DNAH6: variants seen among roughly 807,000 people sequenced by gnomAD.
DNAH6 encodes the protein axonemal beta dynein heavy chain 6.
Under a neutral mutation model 491.4 loss-of-function variants are expected in DNAH6, and 340 were observed. The observed-to-expected ratio is 0.69, with a 90% CI of 0.63 to 0.76. The LOEUF (loss-of-function observed/expected upper bound fraction) is 0.76, where lower values mean the gene tolerates loss of function less well. DNAH6 is among the 30% of genes least tolerant of loss of function. The probability of loss-of-function intolerance (pLI) is 0.00; values close to 1 mark genes in which losing one functional copy is unlikely to be tolerated. For missense variants in DNAH6, 4,443 were observed against 4,972.2 expected (o/e 0.89, Z 3.20); for synonymous variants, 1,603 against 1,686.1 (o/e 0.95, Z 1.21).
intron 45 of DNAH6, 84 bp downstream of exon 45, chr2:84,688,677 TCAAA>T: frequency 1.8e-6 from 2 of 1,109,078 alleles, no homozygotes; most frequent in Admixed American, 3.6e-5. Flanking sequence ...TATAAACTCT[TCAAA>T]CAGATTGCTA....
rs187451809 is a variant in DNAH6 at position 84,694,277 on chromosome 2, G to A, written c.7321G>A (p.Gly2441Ser). 3.2e-6 allele frequency: 5 copies of A among 1,552,112 alleles called. No individual in the cohort carries two copies. In the East Asian group the frequency reaches 7.3e-5, roughly 23 times the overall value. ...TGCTCGGATGATACGTCAAGAAAGAGGCAATGCCCTGCTTGTTGGAGTAGG... is the reference window on the plus strand; with the variant it reads ...TGCTCGGATGATACGTCAAGAAAGAAGCAATGCCCTGCTTGTTGGAGTAGG... ...RIARMIRQERGNALLVGVGGT... is the reference protein window; with the variant it reads ...RIARMIRQERSNALLVGVGGT... The change falls in exon 46 of 77, where the codon GGC (glycine) becomes AGC (serine). Residue 2441 changes from glycine (G) to serine (S), a missense_variant. By Grantham distance (56) the Gly-to-Ser change is moderately conservative. This residue lies in a region of DNAH6 where 2,977 missense variants were observed against 3,296.6 expected (regional missense o/e 0.90). Transcript: ENST00000389394.
Position 84,619,848 on chromosome 2 carries a change from C to G in DNAH6, c.3736C>G (p.Pro1246Ala). Residue 1246 changes from proline to alanine, a missense_variant, in exon 24 of 77, where the codon CCA becomes GCA. This residue lies in a region of DNAH6 where 2,977 missense variants were observed against 3,296.6 expected (regional missense o/e 0.90). Coordinates refer to ENST00000389394, the MANE Select transcript of DNAH6 (RefSeq NM_001370.2). ...EGKIPGIDGE[P>A]EKVYTNDILA... ...AAAGATTCCTGGTATTGATGGAGAA[C>G]CAGAAAAGGTTTATACTAATGATAT... The G allele has an allele frequency of 6.4e-7, 1 of 1,551,314 alleles. No homozygotes were observed. The highest frequency in any genetic ancestry group is 8.7e-7 in the Non-Finnish European group (1 of 1,146,780).
the DNAH6 span, among the ~76,000 whole-genome samples, chr2:84,506,457 T>G: frequency 6.6e-6 from 1 of 152,226 alleles, no homozygotes; most frequent in African/African-American, 2.4e-5. Flanking sequence ...CATTGTAGAT[T>G]CTGTATATTA....
intron 63 of DNAH6, among the ~76,000 whole-genome samples, chr2:84,760,817 C>A (rs1049433332): frequency 6.6e-6 from 1 of 152,150 alleles, no homozygotes; most frequent in African/African-American, 2.4e-5. Context: ...ACAATCACAG[C>A]TCACTGCAAT....
At chr2:84,808,366 A>C (rs1051495310) in intron 71 of DNAH6, 49 bp from the exon 72 acceptor site, 1 of 1,461,950 alleles carries the variant, frequency 6.8e-7, no homozygotes, top group Admixed American at 2.9e-5. Context: ...CAATATTGTG[A>C]GAACAAATCA....
intron 15 of DNAH6, among the ~76,000 whole-genome samples, chr2:84,587,160 T>C (rs1683637594): frequency 6.6e-6 from 1 of 152,208 alleles, no homozygotes; most frequent in Non-Finnish European, 1.5e-5. Flanking sequence ...TTTGTGTCCA[T>C]GTGTTCTCAA....
intron 18 of DNAH6, among the ~76,000 whole-genome samples, chr2:84,598,279 T>C (rs7561295): frequency 6.6e-6 from 1 of 151,970 alleles, no homozygotes; most frequent in Non-Finnish European, 1.5e-5. Flanking sequence ...CCTCCTGCTT[T>C]GGCCTCCCAA....
At chr2:84,469,296 C>T in the DNAH6 span, among the ~76,000 whole-genome samples, 2 of 152,110 alleles carry the variant, frequency 1.3e-5, no homozygotes, top group Non-Finnish European at 2.9e-5. The surrounding 1 kb of genome is among the most constrained non-coding windows in gnomAD (Gnocchi z 4.0). Flanking sequence ...CAGCTTGTTG[C>T]ACCATCACCC....
upstream of DNAH6, among the ~76,000 whole-genome samples, chr2:84,511,857 C>G (rs1254655838): frequency 7.2e-5 from 11 of 151,830 alleles, no homozygotes; most frequent in Non-Finnish European, 1.6e-4. Flanking sequence ...TTTTACATTC[C>G]TGTGATGAAT....
At chr2:84,537,622 AGTTTTAACATTTAGTT>A (rs1677822341) in intron 4 of DNAH6, among the ~76,000 whole-genome samples, 2 of 151,988 alleles carry the variant, frequency 1.3e-5, no homozygotes. Flanking sequence ...AAGTCTTGTG[AGTTTTAACATTTAGTT>A]GTATCTAAGA....
the DNAH6 span, among the ~76,000 whole-genome samples, chr2:84,511,290 G>A: frequency 6.6e-6 from 1 of 152,140 alleles, no homozygotes; most frequent in Non-Finnish European, 1.5e-5. Flanking sequence ...CCCTCCCCCA[G>A]CCTCACTGCT....
Position 84,544,379 on chromosome 2 carries a change from T to G in DNAH6, c.809T>G (p.Ile270Ser), listed in dbSNP as rs1287634358. The G allele has an allele frequency of 1.3e-6, 2 of 1,546,042 alleles. No homozygotes were observed. The highest frequency in any genetic ancestry group is 3.9e-5 in the Admixed American group (2 of 50,966). Reference protein sequence around the residue: ...EYLYHRELTKIPIFSLFRKWK... With the variant: ...EYLYHRELTKSPIFSLFRKWK... Reference sequence around the variant, plus strand: ...CTGTATCACAGAGAACTCACTAAGATTCCCATATTTTCACTGTTCCGGAAA... The same window carrying G: ...CTGTATCACAGAGAACTCACTAAGAGTCCCATATTTTCACTGTTCCGGAAA... Residue 270 changes from isoleucine (I) to serine (S), a missense_variant, in exon 5 of 77, where the codon ATT (isoleucine) becomes AGT (serine). Coordinates refer to ENST00000389394, the MANE Select transcript of DNAH6 (RefSeq NM_001370.2).
At chr2:84,794,340 A>G (rs1678095184) in intron 68 of DNAH6, among the ~76,000 whole-genome samples, 1 of 151,772 alleles carries the variant, frequency 6.6e-6, no homozygotes, top group South Asian at 2.1e-4. Flanking sequence ...ATCTAATTAA[A>G]CTAAAGAGCT....
the DNAH6 span, among the ~76,000 whole-genome samples, chr2:84,486,887 A>G: frequency 1.3e-5 from 2 of 152,204 alleles, no homozygotes; most frequent in Non-Finnish European, 2.9e-5. Context: ...TCAATCAATC[A>G]CTTGTTCATT....
intron 70 of DNAH6, among the ~76,000 whole-genome samples, chr2:84,798,006 A>C (rs1261471547): frequency 1.3e-5 from 2 of 152,244 alleles, no homozygotes; most frequent in Non-Finnish European, 2.9e-5. Flanking sequence ...CAGGCTGGGC[A>C]CATTTGTGTC....
chr2:84,496,939 A>G, the DNAH6 span, among the ~76,000 whole-genome samples: 1 of 150,092 alleles, frequency 6.7e-6, no homozygotes, highest in Non-Finnish European at 1.5e-5. Flanking sequence ...TTTTCTAGAG[A>G]TTCATATAAT....
chr2:84,710,033 A>T (rs145246177), intron 55 of DNAH6, among the ~76,000 whole-genome samples: 2 of 152,348 alleles, frequency 1.3e-5, no homozygotes, highest in East Asian at 3.9e-4. Context: ...GGAGACCAAC[A>T]TGAATACCAT....
intron 21 of DNAH6, 89 bp downstream of exon 21, chr2:84,607,184 A>T: frequency 2.3e-6 from 3 of 1,288,132 alleles, no homozygotes; most frequent in East Asian, 2.6e-5. Context: ...TTTAAATATT[A>T]TATGGTTTTA....
Position 84,634,366 on chromosome 2 carries a change from A to G in DNAH6, c.4516-138A>G, listed in dbSNP as rs1688673016. The G allele has an allele frequency of 2.9e-5, 23 of 806,700 alleles. 1 individual carries two copies. The highest frequency in any genetic ancestry group is 1.8e-4 in the South Asian group (5 of 27,376). The allele number at this position is 806,700 out of a possible 1,614,324, so 50.0% of individuals were successfully genotyped here. ...TTGTAGAAAAGTGTTTACTTCTGAC[A>G]TAGACCAGTATTCACATAAAACTAT... On this transcript the variant is annotated intron_variant, in intron 29 of 76. Transcript: ENST00000389394.
Sources: gnomAD v4.1 joint callset for allele counts (sites outside exome capture counted in the v4.1 genomes callset) on GRCh38, gnomAD v4.1.1 for gene constraint, gnomAD v4.1.1 regional missense constraint, Gnocchi (gnomAD v3.1) non-coding constraint, MANE v1.5 for transcripts, NCBI Gene and HGNC (gene_info 2026-07-23, HGNC 2026-07-21) for gene names.